The following COL6A3 variants were observed in gnomAD, a reference collection of about 807,000 sequenced individuals.
The protein encoded by COL6A3 is collagen type VI alpha 3 chain.
COL6A3 carries 137 observed loss-of-function variants against 274.1 expected under a neutral mutation model. The observed-to-expected ratio is 0.50, with a 90% CI of 0.44 to 0.58. COL6A3 has a LOEUF of 0.58. Among genes scored for constraint, COL6A3 ranks in the 20% least tolerant of loss-of-function variants. COL6A3 has a pLI of 0.00. For missense variants in COL6A3, 3,950 were observed against 4,124.9 expected (o/e 0.96, Z 1.16); for synonymous variants, 1,650 against 1,650.6 (o/e 1.00, Z 0.01).
At position 237,363,010 on chromosome 2, in the gene COL6A3, C is replaced by T. The variant is rs10205605; in HGVS notation, c.6063+243G>A. Among the ~76,000 whole-genome samples the T allele has an allele frequency of 0.06, 9,128 of 152,198 alleles. 373 individuals carry two copies. Among genetic ancestry groups the T allele is most frequent in the African/African-American group, 0.12 (4,789 of 41,504 alleles). On this transcript the variant is annotated intron_variant, in intron 14 of 43. Coordinates refer to ENST00000295550, the MANE Select transcript of COL6A3 (RefSeq NM_004369.4). ...AGCAGAGAAAATGCTAAGGCCACAA[C>T]CTCAGCGCGCCCAGGATCCCCTTCC...
intron 30 of COL6A3, 92 bp downstream of exon 30, chr2:237,348,257 A>T: frequency 1.8e-6 from 2 of 1,126,188 alleles, no homozygotes. Flanking sequence ...CTGACCCAAG[A>T]CTAATGCCAA....
chr2:237,395,200 G>A lies in COL6A3; in HGVS notation c.96C>T (p.Val32=). 6.2e-7 allele frequency: 1 copy of A among 1,613,012 alleles called. No individual in the cohort carries two copies. Among genetic ancestry groups the A allele is most frequent in the Non-Finnish European group, 8.5e-7 (1 of 1,179,952 alleles). Residue 32 remains valine, a synonymous_variant, in exon 3 of 44, where the codon GTC becomes GTT. Coordinates refer to ENST00000295550, the MANE Select transcript of COL6A3 (RefSeq NM_004369.4). The stretch of plus-strand genomic sequence containing the variant: ...TTATATCAGCAGCCGCACCATTTTT[G>A]ACATCTTTAAAAAAAGACATTGGTT... ...TTHAQQQQAD[V]KNGAAADIIF...
In COL6A3 at chr2:237,394,701, T is replaced by G. The variant is rs1377851577; in HGVS notation, c.595A>C (p.Asn199His). ...ASEPLNMHMF[N>H]LENFTSLHDI... ...TGAAGTGAGGTAAAATTCTCTAGGT[T>G]GAACATATGCATATTGAGCGGTTCA... The change falls in exon 3 of 44, where the codon AAC (asparagine) becomes CAC (histidine). Residue 199 changes from asparagine to histidine, a missense_variant. Transcript: ENST00000295550. The G allele has an allele frequency of 1.2e-6, 2 of 1,614,266 alleles. No homozygotes were observed. Among genetic ancestry groups the G allele is most frequent in the South Asian group, 2.2e-5 (2 of 91,090 alleles).
chr2:237,340,381 C>G, intron 38 of COL6A3, 71 bp downstream of exon 38: 1 of 1,427,872 alleles, frequency 7.0e-7, no homozygotes, highest in Non-Finnish European at 9.7e-7. Flanking sequence ...TTTTCCATGA[C>G]TGTTCCTACA....
intron 32 of COL6A3, among the ~76,000 whole-genome samples, 165 bp from the exon 33 acceptor site, chr2:237,345,378 A>C (rs1428523933): frequency 1.3e-5 from 2 of 152,206 alleles, no homozygotes; most frequent in Admixed American, 6.5e-5. Context: ...TGCAAAGCAA[A>C]AAAGAGAAGA....
chr2:237,410,684 T>C (rs1413344517), intron 1 of COL6A3, among the ~76,000 whole-genome samples: 1 of 152,066 alleles, frequency 6.6e-6, no homozygotes, highest in Non-Finnish European at 1.5e-5. Flanking sequence ...ATTAACAAAG[T>C]GAATTGTTGA....
At chr2:237,390,484 CA>C in intron 3 of COL6A3, among the ~76,000 whole-genome samples, 1 of 152,298 alleles carries the variant, frequency 6.6e-6, no homozygotes, top group African/African-American at 2.4e-5. Context: ...CAAGGCGGAC[CA>C]ATGACCAATG....
chr2:237,409,143 C>A (rs777833949), intron 1 of COL6A3, among the ~76,000 whole-genome samples: 8 of 152,180 alleles, frequency 5.3e-5, no homozygotes, highest in African/African-American at 7.2e-5. Context: ...TCATCTGAAG[C>A]ATAAAGGGCG....
intron 1 of COL6A3, among the ~76,000 whole-genome samples, chr2:237,399,865 G>A (rs1322741719): frequency 1.3e-5 from 2 of 152,190 alleles, no homozygotes; most frequent in East Asian, 3.8e-4. Context: ...TCCCTTGATG[G>A]TGGAGCTCAC....
intron 1 of COL6A3, among the ~76,000 whole-genome samples, chr2:237,409,532 T>TG (rs1311401724): frequency 1.4e-4 from 21 of 151,734 alleles, no homozygotes; most frequent in African/African-American, 4.6e-4. Flanking sequence ...GTTTTTGTTT[T>TG]TTTTGTTTGT....
chr2:237,381,239 T>C lies in COL6A3; in HGVS notation c.1573A>G (p.Thr525Ala). 6.2e-7 allele frequency: 1 copy of C among 1,614,252 alleles called. No individual in the cohort carries two copies. The highest frequency in any genetic ancestry group is 8.5e-7 in the Non-Finnish European group (1 of 1,180,050). ...CGAACAAAGTCTAGAGCAGAGCCCGTGTACAGGGCCGAGCCGTCCAGGGGC... is the reference window on the plus strand; with the variant it reads ...CGAACAAAGTCTAGAGCAGAGCCCGCGTACAGGGCCGAGCCGTCCAGGGGC... ...MKPLDGSALY[T>A]GSALDFVRNN... is the part of the protein sequence containing the mutation. Residue 525 changes from threonine (T) to alanine (A), a missense_variant, in exon 5 of 44, where the codon ACG (threonine) becomes GCG (alanine). Transcript: ENST00000295550.
intron 42 of COL6A3, chr2:237,326,120 A>T (rs1040184296): frequency 1.0e-4 from 17 of 166,606 alleles, no homozygotes; most frequent in Non-Finnish European, 2.1e-4. Flanking sequence ...TCAGGGTTTT[A>T]TAATTCTTGG....
chr2:237,334,732 C>A lies in COL6A3; in HGVS notation c.9123G>T (p.Thr3041=). ...SLVLKQNLTV[T]DRVIGGLLAG... ...CGAGCAGGCCTCCAATGACGCGGTC[C>A]GTGACCGTGAGGTTCTGCTTCAGAA... Residue 3041 remains threonine, a synonymous_variant, in exon 41 of 44, where the codon ACG becomes ACT. Coordinates refer to ENST00000295550, the MANE Select transcript of COL6A3 (RefSeq NM_004369.4). 1 of 1,614,032 alleles carries A rather than the reference C, an allele frequency of 6.2e-7. No homozygotes were observed. Among genetic ancestry groups the A allele is most frequent in the East Asian group, 2.2e-5 (1 of 44,864 alleles).
chr2:237,364,314 GT>G lies in COL6A3; in HGVS notation c.5917+35del. 1.3e-6 allele frequency: 2 copies of G among 1,545,764 alleles called. No homozygotes were observed. Among genetic ancestry groups the G allele is most frequent in the Non-Finnish European group, 8.9e-7 (1 of 1,118,722 alleles). On this transcript the variant is annotated intron_variant, in intron 13 of 43. Transcript: ENST00000295550. The surrounding 1 kb of genome is among the most constrained non-coding windows in gnomAD (Gnocchi z 4.6). Reference sequence around the variant, plus strand: ...GAGCAGTACACCCCGCCTCACCAGGGTTTACTTCTCATATTTAGAAAGCCTT... The same window carrying G: ...GAGCAGTACACCCCGCCTCACCAGGGTTACTTCTCATATTTAGAAAGCCTT...
Position 237,358,725 on chromosome 2 carries a change from C to T in COL6A3, c.6409-142G>A. ...ATTCACCATGAAGGCAAATTCACTTCCACATATTTTTCATTCGTTTAGTAA... is the reference window on the plus strand; with the variant it reads ...ATTCACCATGAAGGCAAATTCACTTTCACATATTTTTCATTCGTTTAGTAA... On this transcript the variant is annotated intron_variant, in intron 20 of 43. Transcript: ENST00000295550. 3.6e-6 allele frequency: 3 copies of T among 844,416 alleles called. No individual in the cohort carries two copies. In the South Asian group the frequency reaches 4.3e-5, roughly 12 times the overall value. The allele number at this position is 844,416 out of a possible 1,614,324, so 52.3% of individuals were successfully genotyped here.
At chr2:237,346,832 A>G (rs2077106880) in intron 31 of COL6A3, among the ~76,000 whole-genome samples, 1 of 152,110 alleles carries the variant, frequency 6.6e-6, no homozygotes, top group Non-Finnish European at 1.5e-5. Context: ...GTGCTTTCCC[A>G]AGAACCACTA....
Position 237,378,989 on chromosome 2 carries a change from G to A in COL6A3, c.2144C>T (p.Ser715Leu), listed in dbSNP as rs780115806. 79 of 1,614,038 alleles carry A rather than the reference G, an allele frequency of 4.9e-5. No homozygotes were observed. Among genetic ancestry groups the A allele is most frequent in the African/African-American group, 1.5e-4 (11 of 74,916 alleles). The change falls in exon 6 of 44, where the codon TCG (serine) becomes TTG (leucine). Residue 715 changes from serine to leucine, a missense_variant. Ser to Leu is a moderately radical substitution (Grantham distance 145). Coordinates refer to ENST00000295550, the MANE Select transcript of COL6A3 (RefSeq NM_004369.4). The stretch of plus-strand genomic sequence containing the variant: ...TAGGGCTGAGCCTGTGTTCAGGCCC[G>A]AACCTCCCTGGAGCTGCAGCTGCCT... ...HLRQLQLQGG[S>L]GLNTGSALSY... is the part of the protein sequence containing the mutation.
In COL6A3 at chr2:237,377,759, G is replaced by T. The variant is rs538184952; in HGVS notation, c.2498-415C>A. 1.6e-3 allele frequency among the ~76,000 whole-genome samples: 242 copies of T among 152,240 alleles called. 1 individual carries two copies. Among genetic ancestry groups the T allele is most frequent in the African/African-American group, 5.6e-3 (231 of 41,562 alleles). On this transcript the variant is annotated intron_variant, in intron 6 of 43. Transcript: ENST00000295550. Reference sequence around the variant, plus strand: ...GATCTCAATCTCTAGAAAAAAAAAGGGGGGGCTGATATGGGTCAACCACTC... The same window carrying T: ...GATCTCAATCTCTAGAAAAAAAAAGTGGGGGCTGATATGGGTCAACCACTC...
rs758626447 is a variant in COL6A3, at chr2:237,368,674, G to T, written c.4789C>A (p.Arg1597=). ...TNDPRLVFTV[R]EFRELPNIEE... ...ATGTTGGGAAGCTCTCTGAACTCTC[G>T]CACTGTGAAGACCAGTCTGGGGTCA... is the stretch of plus-strand genomic sequence containing the variant. Residue 1597 remains arginine (R), a synonymous_variant, in exon 10 of 44, where the codon CGA becomes AGA. Transcript: ENST00000295550. This position sits in a 1 kb window ranked among gnomAD's most constrained non-coding sequence, Gnocchi z 4.4. The T allele has an allele frequency of 2.5e-6, 4 of 1,614,132 alleles. No homozygotes were observed. The Admixed American group carries it at 6.7e-5, about 27-fold the overall frequency.
Sources: gnomAD v4.1 joint callset for allele counts (sites outside exome capture counted in the v4.1 genomes callset) on GRCh38, gnomAD v4.1.1 for gene constraint, Gnocchi (gnomAD v3.1) non-coding constraint, MANE v1.5 for transcripts, NCBI Gene and HGNC (gene_info 2026-07-23, HGNC 2026-07-21) for gene names.